SCHIP1: variants seen among roughly 807,000 people sequenced by gnomAD.
SCHIP1 encodes schwannomin-interacting protein 1.
In SCHIP1, 8 loss-of-function variants were observed where a neutral mutation model predicts 29.7. That is an observed-to-expected ratio of 0.27 (90% CI 0.16 to 0.49). SCHIP1 has a LOEUF of 0.49. Ranked by LOEUF, SCHIP1 falls within the 20% of genes least tolerant of loss-of-function variation. The pLI is 0.99. For missense variants in SCHIP1, 193 were observed against 294.6 expected, an observed-to-expected ratio of 0.66 and a Z score of 2.52; for synonymous variants, 76 against 94.9, an observed-to-expected ratio of 0.80 and a Z score of 1.16.
chr3:159,571,700 G>A, the SCHIP1 span, among the ~76,000 whole-genome samples: 1 of 152,190 alleles, frequency 6.6e-6, no homozygotes, highest in Non-Finnish European at 1.5e-5. Flanking sequence ...CAGAAGGAAT[G>A]GTACTAGCTC....
At chr3:159,848,647 T>G (rs1712161317) in intron 1 of SCHIP1, among the ~76,000 whole-genome samples, 1 of 152,032 alleles carries the variant, frequency 6.6e-6, no homozygotes, top group Non-Finnish European at 1.5e-5. Context: ...TAAGGTATAT[T>G]CAAAAATCCT....
At chr3:159,275,918 C>A in the SCHIP1 span, among the ~76,000 whole-genome samples, 1 of 151,944 alleles carries the variant, frequency 6.6e-6, no homozygotes, top group East Asian at 1.9e-4. Flanking sequence ...CTTTTCTTGC[C>A]AATGTAAAAA....
At chr3:159,384,247 G>T in the SCHIP1 span, among the ~76,000 whole-genome samples, 3 of 151,026 alleles carry the variant, frequency 2.0e-5, no homozygotes, top group Admixed American at 1.3e-4. Context: ...CTGTGGGTTT[G>T]TCATAGATAG....
chr3:159,508,360 CTTCT>C, the SCHIP1 span, among the ~76,000 whole-genome samples: 45 of 152,118 alleles, frequency 3.0e-4, 1 homozygote, highest in African/African-American at 9.4e-4. Context: ...TCTCTCTTTT[CTTCT>C]TTATTTGTCT....
chr3:159,858,466 A>G (rs527667336), intron 1 of SCHIP1, among the ~76,000 whole-genome samples: 24 of 152,130 alleles, frequency 1.6e-4, no homozygotes, highest in Non-Finnish European at 3.2e-4. Flanking sequence ...TACCTTCTCA[A>G]TCGAAATATT....
chr3:159,322,056 A>C, the SCHIP1 span, among the ~76,000 whole-genome samples: 1 of 151,778 alleles, frequency 6.6e-6, no homozygotes, highest in African/African-American at 2.4e-5. Context: ...CCAGTAGTTC[A>C]TATCACTTTG....
the SCHIP1 span, among the ~76,000 whole-genome samples, chr3:159,308,554 C>A: frequency 1.3e-5 from 2 of 152,024 alleles, no homozygotes; most frequent in African/African-American, 4.8e-5. Flanking sequence ...GTGCTTATAC[C>A]CTGTTCATTG....
At chr3:159,321,824 C>A in the SCHIP1 span, among the ~76,000 whole-genome samples, 1 of 152,030 alleles carries the variant, frequency 6.6e-6, no homozygotes, top group Non-Finnish European at 1.5e-5. Context: ...TAATGGCATG[C>A]ATCCTAAACA....
the SCHIP1 span, among the ~76,000 whole-genome samples, chr3:159,591,999 AAAAG>A: frequency 1.0e-4 from 15 of 149,648 alleles, no homozygotes; most frequent in South Asian, 2.1e-4. Context: ...CAAAAAAAAA[AAAAG>A]AAAGAAAGAA....
chr3:159,888,865 T>A, exon 5 of SCHIP1: 1 of 1,614,052 alleles, frequency 6.2e-7, no homozygotes, highest in Non-Finnish European at 8.5e-7. Flanking sequence ...GAAAAGAAGT[T>A]TAAAACCCAC....
At chr3:159,765,039 A>G in the SCHIP1 span, 3 of 1,551,684 alleles carry the variant, frequency 1.9e-6, no homozygotes, top group Non-Finnish European at 1.7e-6. Context: ...CCCCGGTGCC[A>G]CCTATGGATT....
At chr3:159,461,834 C>T in the SCHIP1 span, among the ~76,000 whole-genome samples, 5 of 152,022 alleles carry the variant, frequency 3.3e-5, no homozygotes, top group East Asian at 3.9e-4. Flanking sequence ...AGATAATACA[C>T]GTTCATTGTG....
At chr3:159,866,430 C>A in intron 2 of SCHIP1, 149 bp downstream of exon 3, 1 of 675,314 alleles carries the variant, frequency 1.5e-6, no homozygotes, top group Non-Finnish European at 2.4e-6. Context: ...TTAGACAGAC[C>A]CTTCCCCACT....
the SCHIP1 span, among the ~76,000 whole-genome samples, chr3:159,699,236 CT>C: frequency 3.3e-5 from 5 of 152,190 alleles, no homozygotes; most frequent in Non-Finnish European, 7.3e-5. Flanking sequence ...CACATTTAAT[CT>C]TCATGACAAC....
rs188759226 is a variant in SCHIP1 at position 159,889,964 on chromosome 3, T to C, written c.589+1021T>C. ...ACAAAAAATTAGCTGGGCATGGTGG[T>C]GGGCACCTGTAGTCCAGCTACTCGG... On this transcript the variant is annotated intron_variant, in intron 5 of 6. Coordinates refer to ENST00000445224, the Ensembl canonical transcript of SCHIP1. Among the ~76,000 whole-genome samples the C allele has an allele frequency of 4.0e-5, 6 of 151,824 alleles. No individual in the cohort carries two copies. In the East Asian group the frequency reaches 9.7e-4, roughly 25 times the overall value.
chr3:159,603,080 T>C, the SCHIP1 span, among the ~76,000 whole-genome samples: 1 of 152,234 alleles, frequency 6.6e-6, no homozygotes, highest in African/African-American at 2.4e-5. Flanking sequence ...TACAAAATGC[T>C]ATCCTTGGGT....
chr3:159,884,640 T>G (rs1011476685), intron 2 of SCHIP1, among the ~76,000 whole-genome samples: 20 of 152,194 alleles, frequency 1.3e-4, no homozygotes, highest in Non-Finnish European at 2.9e-5. Flanking sequence ...TACAGGTCAC[T>G]TGCCCTGCAC....
At chr3:159,828,461 A>G in the SCHIP1 span, among the ~76,000 whole-genome samples, 1 of 123,308 alleles carries the variant, frequency 8.1e-6, no homozygotes, top group African/African-American at 4.3e-5. Flanking sequence ...ACGTATATAT[A>G]TGTATATATA....
At chr3:159,809,418 T>C in the SCHIP1 span, among the ~76,000 whole-genome samples, 1 of 152,158 alleles carries the variant, frequency 6.6e-6, no homozygotes, top group Non-Finnish European at 1.5e-5. Context: ...TCCAAGTCTT[T>C]GCTATTGTGA....
Sources: gnomAD v4.1 joint callset for allele counts (sites outside exome capture counted in the v4.1 genomes callset) on GRCh38, gnomAD v4.1.1 for gene constraint, MANE v1.5 for transcripts, NCBI Gene and HGNC (gene_info 2026-07-23, HGNC 2026-07-21) for gene names.